SYNE1: variants seen among roughly 807,000 people sequenced by gnomAD.
SYNE1 encodes the protein spectrin repeat containing nuclear envelope protein 1.
A neutral mutation model predicts 1,111.0 loss-of-function variants in SYNE1; 616 were observed. The ratio of observed to expected loss-of-function variants is 0.55; its 90% CI spans 0.52 to 0.59. The LOEUF is 0.59. Among genes scored for constraint, SYNE1 ranks in the 20% least tolerant of loss-of-function variants. The pLI is 0.00. For missense variants in SYNE1, 10,006 were observed against 10,417.0 expected (o/e 0.96, Z 1.72); for synonymous variants, 3,855 against 3,825.8 (o/e 1.01, Z -0.28).
intron 104 of SYNE1, among the ~76,000 whole-genome samples, chr6:152,250,107 TA>T (rs1222355221): frequency 8.7e-5 from 13 of 149,300 alleles, no homozygotes; most frequent in South Asian, 4.2e-4. Context: ...ACAAAAAGTT[TA>T]AAAAAAAAAT....
chr6:152,535,927 C>T (rs2099233313), intron 4 of SYNE1, among the ~76,000 whole-genome samples: 1 of 151,988 alleles, frequency 6.6e-6, no homozygotes, highest in Non-Finnish European at 1.5e-5. Context: ...AACTTCTTTG[C>T]CTAAAATGCA....
At chr6:152,618,141 C>T (rs2099665769) in intron 3 of SYNE1, among the ~76,000 whole-genome samples, 1 of 152,130 alleles carries the variant, frequency 6.6e-6, no homozygotes, top group Non-Finnish European at 1.5e-5. Context: ...AGTTGAATTC[C>T]TACGTTTCTG....
At chr6:152,596,262 G>GTTTTT (rs2099581166) in intron 3 of SYNE1, among the ~76,000 whole-genome samples, 2 of 113,664 alleles carry the variant, frequency 1.8e-5, no homozygotes, top group African/African-American at 3.4e-5. Context: ...ACAGTTTTTT[G>GTTTTT]TTTGTTTGTT....
Position 152,122,231 on chromosome 6 carries a change from T to C in SYNE1, c.*205A>G. On this transcript the variant is annotated 3_prime_UTR_variant, in exon 146 of 146. Transcript: ENST00000367255. ...TCTCAAACCAGATTTCTTCCAAACC[T>C]TCTTGTTGTCTGTTTGTTCCCCCGT... The C allele has an allele frequency of 1.3e-6, 1 of 763,682 alleles. No homozygotes were observed. 47.3% of individuals were successfully genotyped at this position (763,682 alleles called of 1,614,324 possible).
In SYNE1 at chr6:152,236,821, T is replaced by C; in HGVS notation, c.20195A>G (p.Tyr6732Cys). ...EDRLIDRITLYQHLKSSLNEY... is the reference protein window; with the variant it reads ...EDRLIDRITLCQHLKSSLNEY... ...GTGGCGGCTTGTAACACCAACCTGG[T>C]AGAGTGTTATGCGGTCAATAAGCCT... Residue 6732 changes from tyrosine to cysteine, a missense_variant, in exon 109 of 146, where the codon TAC becomes TGC. Tyr to Cys is a radical substitution (Grantham distance 194, BLOSUM62 -2). Coordinates refer to ENST00000367255, the MANE Select transcript of SYNE1 (RefSeq NM_182961.4). 2 of 1,614,160 alleles carry C rather than the reference T, an allele frequency of 1.2e-6. No homozygotes were observed. Among genetic ancestry groups the C allele is most frequent in the South Asian group, 2.2e-5 (2 of 91,086 alleles).
Position 152,283,959 on chromosome 6 carries a change from C to T in SYNE1, c.18207+19G>A. The T allele has an allele frequency of 1.2e-6, 2 of 1,607,026 alleles. No individual in the cohort carries two copies. The highest frequency in any genetic ancestry group is 1.7e-6 in the Non-Finnish European group (2 of 1,173,630). ...AGTTAACTCAGAAGTGAGGAGGCCA[C>T]TTTACAGTTATTGGTTACCTCCAAA... On this transcript the variant is annotated intron_variant, in intron 96 of 145. Coordinates refer to ENST00000367255, the MANE Select transcript of SYNE1 (RefSeq NM_182961.4).
chr6:152,215,634 A>T lies in SYNE1; in HGVS notation c.22192-574T>A, dbSNP rs934173709. On this transcript the variant is annotated intron_variant, in intron 121 of 145. Transcript: ENST00000367255. ...CTCCTTTATTATTCACAACTAACAA[A>T]AGTTATAACAGTGATAGCTAACGTT... Among the ~76,000 whole-genome samples the T allele has an allele frequency of 2.8e-4, 43 of 152,294 alleles. 1 individual carries two copies. The highest frequency in any genetic ancestry group is 2.4e-3 in the Admixed American group (37 of 15,302).
chr6:152,483,340 G>T, intron 13 of SYNE1, 91 bp from the exon 14 acceptor site: 1 of 1,091,102 alleles, frequency 9.2e-7, no homozygotes, highest in Non-Finnish European at 1.4e-6. Context: ...CATACATAAA[G>T]CTTTAAGTTA....
At chr6:152,590,099 A>AATTATTATTATT (rs747538908) in intron 3 of SYNE1, among the ~76,000 whole-genome samples, 4 of 149,434 alleles carry the variant, frequency 2.7e-5, no homozygotes, top group African/African-American at 7.4e-5. Context: ...ACACCTGACT[A>AATTATTATTATT]ATTATTATTA....
chr6:152,331,538 G>A lies in SYNE1; in HGVS notation c.13147C>T (p.Leu4383Phe), dbSNP rs377689663. The A allele has an allele frequency of 5.0e-6, 8 of 1,614,052 alleles. No individual in the cohort carries two copies. The East Asian group carries it at 1.1e-4, about 22-fold the overall frequency. Reference protein sequence around the residue: ...QSPPPDMAQNLLMDHLAICSE... With the variant: ...QSPPPDMAQNFLMDHLAICSE... ...CAGATGGCCAGGTGATCCATGAGAA[G>A]GTTCTGAGCCATATCTGGAGGAGGG... Residue 4383 changes from leucine (L) to phenylalanine (F), a missense_variant, in exon 78 of 146, where the codon CTT (leucine) becomes TTT (phenylalanine). Physicochemically the swap from Leu to Phe is conservative, Grantham distance 22. Coordinates refer to ENST00000367255, the MANE Select transcript of SYNE1 (RefSeq NM_182961.4).
intron 11 of SYNE1, among the ~76,000 whole-genome samples, chr6:152,490,872 A>G (rs924294176): frequency 1.4e-4 from 22 of 152,012 alleles, no homozygotes; most frequent in African/African-American, 5.3e-4. Context: ...CATCTTACCA[A>G]TTTCAAATCG....
intron 46 of SYNE1, among the ~76,000 whole-genome samples, chr6:152,401,986 T>C (rs1020720172): frequency 4.6e-5 from 7 of 152,206 alleles, no homozygotes; most frequent in African/African-American, 1.7e-4. Context: ...AGGCTTCTAT[T>C]CTTACCCCCA....
At chr6:152,385,895 G>A (rs2097520086) in intron 54 of SYNE1, 57 bp from the exon 55 acceptor site, 1 of 1,574,532 alleles carries the variant, frequency 6.4e-7, no homozygotes, top group South Asian at 1.1e-5. Context: ...CATGAACTCA[G>A]GTAAGACAAC....
rs1366579684 is a variant in SYNE1 at position 152,381,133 on chromosome 6, T to C, written c.8882A>G (p.Gln2961Arg). 20 of 1,614,202 alleles carry C rather than the reference T, an allele frequency of 1.2e-5. No individual in the cohort carries two copies. Among genetic ancestry groups the C allele is most frequent in the Non-Finnish European group, 1.7e-5 (20 of 1,180,026 alleles). ...CAGGGCCTGCTCCAGTTGAGCCACT[T>C]GGCCTGAGAATTCCTGCTCCGAAAG... Reference protein sequence around the residue: ...MALSEQEFSGQVAQLEQALEQ... With the variant: ...MALSEQEFSGRVAQLEQALEQ... Residue 2961 changes from glutamine to arginine, a missense_variant, in exon 56 of 146, where the codon CAA becomes CGA. By Grantham distance (43) the Gln-to-Arg change is conservative. This residue lies in a region of SYNE1 where 4,955 missense variants were observed against 5,017.2 expected (regional missense o/e 0.99). Transcript: ENST00000367255.
intron 142 of SYNE1, chr6:152,134,695 A>G (rs117190527): frequency 3.2e-5 from 7 of 215,654 alleles, no homozygotes; most frequent in Middle Eastern, 2.0e-3. Context: ...AACAACGACA[A>G]CAAAAACAAA....
At chr6:152,427,925 A>T in intron 37 of SYNE1, 109 bp from the exon 38 acceptor site, 2 of 1,477,330 alleles carry the variant, frequency 1.4e-6, no homozygotes, top group South Asian at 2.4e-5. Context: ...ATACAGCCTC[A>T]GTTATCTCAG....
chr6:152,387,984 C>A (rs1375880552), intron 53 of SYNE1, among the ~76,000 whole-genome samples: 1 of 152,138 alleles, frequency 6.6e-6, no homozygotes, highest in Non-Finnish European at 1.5e-5. Context: ...CATAGTCAAA[C>A]CAAACGCTCT....
chr6:152,449,899 C>T (rs1213072979), intron 27 of SYNE1, among the ~76,000 whole-genome samples: 1 of 152,152 alleles, frequency 6.6e-6, no homozygotes, highest in East Asian at 1.9e-4. Flanking sequence ...GGAATGAGCA[C>T]CTGAAAAGAA....
intron 11 of SYNE1, among the ~76,000 whole-genome samples, chr6:152,497,368 T>C (rs1026464457): frequency 3.3e-5 from 5 of 152,226 alleles, no homozygotes; most frequent in African/African-American, 9.6e-5. Context: ...ATAATTAAGG[T>C]ACATGTTTTA....
Sources: allele counts gnomAD v4.1 joint callset (sites outside exome capture counted in the v4.1 genomes callset), GRCh38; gene constraint gnomAD v4.1.1; regional missense constraint gnomAD v4.1.1; transcripts MANE v1.5; gene names NCBI Gene and HGNC (gene_info 2026-07-23, HGNC 2026-07-21).